Variants in CD200 observed in about 807,000 individuals in gnomAD.
The protein encoded by CD200 is OX-2 membrane glycoprotein.
In CD200, 15 loss-of-function variants were observed where a neutral mutation model predicts 30.9. That is an observed-to-expected ratio of 0.49 (90% CI 0.32 to 0.75). The LOEUF is 0.75. Among genes scored for constraint, CD200 ranks in the 30% least tolerant of loss-of-function variants. The pLI is 0.03. For missense variants in CD200, 262 were observed against 324.2 expected (o/e 0.81, Z 1.47); for synonymous variants, 134 against 126.2 (o/e 1.06, Z -0.41).
chr3:112,335,256 G>A (rs186293246), intron 1 of CD200, among the ~76,000 whole-genome samples: 1 of 152,098 alleles, frequency 6.6e-6, no homozygotes, highest in Non-Finnish European at 1.5e-5. Flanking sequence ...GCAGTGGATG[G>A]GCAGGGTGAG....
Position 112,342,275 on chromosome 3 carries a change from T to G in CD200, c.94+1292T>G, listed in dbSNP as rs918909515. Reference sequence around the variant, plus strand: ...TTAAATGTTTCTCTGAGAACTGTCCTTCCTTCCTTCCTTCCTTCCTTCCTT... The same window carrying G: ...TTAAATGTTTCTCTGAGAACTGTCCGTCCTTCCTTCCTTCCTTCCTTCCTT... On this transcript the variant is annotated intron_variant, in intron 2 of 5. Transcript: ENST00000315711. 5.5e-4 allele frequency among the ~76,000 whole-genome samples: 18 copies of G among 32,844 alleles called. 1 individual carries two copies. The highest frequency in any genetic ancestry group is 2.3e-3 in the African/African-American group (18 of 7,924). 21.5% of individuals were successfully genotyped at this position (32,844 alleles called of 152,430 possible). A position where few individuals can be genotyped will look rare whatever the true frequency, so the allele number is the denominator to read the frequency against.
At chr3:112,356,316 CT>C (rs1576624839) in intron 5 of CD200, among the ~76,000 whole-genome samples, 1 of 150,900 alleles carries the variant, frequency 6.6e-6, no homozygotes, top group Non-Finnish European at 1.5e-5. Context: ...GTCTTTTAAT[CT>C]TTTTTAAAAA....
upstream of CD200, chr3:112,333,131 G>C (rs2081031636): frequency 6.5e-7 from 1 of 1,538,672 alleles, no homozygotes; most frequent in Non-Finnish European, 8.7e-7. Context: ...AGGGGCACAG[G>C]TGACGCTCCT....
intron 2 of CD200, among the ~76,000 whole-genome samples, chr3:112,342,374 T>C (rs1000797875): frequency 0.011 from 504 of 45,220 alleles, 35 homozygotes; most frequent in African/African-American, 0.012. Context: ...TCTTTCTTTC[T>C]TTCTTTCTTT....
chr3:112,347,825 A>G lies in CD200; in HGVS notation c.689A>G (p.Asn230Ser), dbSNP rs1477143074. ...GTGACCGACTTTAAGCAAACCGTCA[A>G]CAAAGGTAAGAGAAAGTGAGCAAGG... ...GTVTDFKQTV[N>S]KGYWFSVPLL... The change falls in exon 4 of 6, where the codon AAC (asparagine) becomes AGC (serine). Residue 230 changes from asparagine (N) to serine (S), a missense_variant. Coordinates refer to ENST00000315711, the MANE Select transcript of CD200 (RefSeq NM_005944.7). The G allele has an allele frequency of 1.2e-6, 2 of 1,612,834 alleles. No homozygotes were observed.
intron 5 of CD200, among the ~76,000 whole-genome samples, chr3:112,359,795 A>G (rs2081701857): frequency 6.6e-6 from 1 of 152,244 alleles, no homozygotes; most frequent in Non-Finnish European, 1.5e-5. Flanking sequence ...GGATACTATT[A>G]AAACACGAGA....
intron 5 of CD200, 21 bp downstream of exon 5, chr3:112,349,840 CA>C: frequency 2.5e-6 from 4 of 1,578,626 alleles, no homozygotes; most frequent in African/African-American, 1.4e-5. Flanking sequence ...ACAGGGAGTT[CA>C]AAAAATGACA....
chr3:112,346,965 C>T (rs564837751), intron 3 of CD200, among the ~76,000 whole-genome samples: 10 of 152,292 alleles, frequency 6.6e-5, no homozygotes, highest in South Asian at 2.1e-4. Context: ...TTATTAGCTA[C>T]GAATTCCAAA....
intron 2 of CD200, among the ~76,000 whole-genome samples, chr3:112,343,917 A>G (rs2108443183): frequency 6.6e-6 from 1 of 152,012 alleles, no homozygotes; most frequent in Admixed American, 6.5e-5. Flanking sequence ...AAGTCTACTT[A>G]TTGAATTTTT....
chr3:112,358,440 A>G (rs2081670346), intron 5 of CD200, among the ~76,000 whole-genome samples: 1 of 151,446 alleles, frequency 6.6e-6, no homozygotes, highest in African/African-American at 2.4e-5. Context: ...TGAACTTGTG[A>G]TGCCTAGATG....
intron 2 of CD200, among the ~76,000 whole-genome samples, chr3:112,342,401 CTT>C (rs1250671775): frequency 3.5e-5 from 2 of 57,094 alleles, no homozygotes; most frequent in Non-Finnish European, 3.4e-5. Context: ...TTCTTTCTTT[CTT>C]TCTTTCTTTC....
In CD200 at chr3:112,333,291, C is replaced by A. The variant is rs2276771; in HGVS notation, c.12+67C>A. On this transcript the variant is annotated intron_variant, in intron 1 of 5. Transcript: ENST00000315711. Reference sequence around the variant, plus strand: ...CGATGTTGAGCCGGTGGCCCTGGGGCGGGCGGCGAGTGGAAGGCGCGGAGC... The same window carrying A: ...CGATGTTGAGCCGGTGGCCCTGGGGAGGGCGGCGAGTGGAAGGCGCGGAGC... 7.1e-5 allele frequency: 107 copies of A among 1,514,306 alleles called. No individual in the cohort carries two copies. In the East Asian group the frequency reaches 2.7e-3, roughly 38 times the overall value. 93.8% of individuals were successfully genotyped at this position (1,514,306 alleles called of 1,614,324 possible). A position where few individuals can be genotyped will look rare whatever the true frequency, so the allele number is the denominator to read the frequency against.
At position 112,349,705 on chromosome 3, in the gene CD200, T is replaced by C. The variant is rs369364009; in HGVS notation, c.695-7T>C. The C allele has an allele frequency of 8.1e-6, 13 of 1,606,458 alleles. No individual in the cohort carries two copies. The highest frequency in any genetic ancestry group is 1.1e-5 in the Non-Finnish European group (13 of 1,177,082). ...CATTTTCCTTTTTCTTTCTTCAATA[T>C]CTATAGGCTATTGGTTTTCAGTTCC... is the stretch of plus-strand genomic sequence containing the variant. On this transcript the variant is annotated splice_region_variant and splice_polypyrimidine_tract_variant and intron_variant, in intron 4 of 5. Coordinates refer to ENST00000315711, the MANE Select transcript of CD200 (RefSeq NM_005944.7).
chr3:112,357,053 A>C (rs1472657637), intron 5 of CD200, among the ~76,000 whole-genome samples: 3 of 152,154 alleles, frequency 2.0e-5, no homozygotes, highest in Non-Finnish European at 1.5e-5. Flanking sequence ...CGAGGTCAGA[A>C]GATCGAGACC....
chr3:112,343,308 A>G (rs2081310999), intron 2 of CD200, among the ~76,000 whole-genome samples: 1 of 151,658 alleles, frequency 6.6e-6, no homozygotes, highest in African/African-American at 2.4e-5. Context: ...TGTTTTTCAA[A>G]TTTTCTTTTC....
chr3:112,343,370 C>T (rs981649039), intron 2 of CD200, among the ~76,000 whole-genome samples: 5 of 152,074 alleles, frequency 3.3e-5, no homozygotes, highest in African/African-American at 1.2e-4. Context: ...GTGCTGCAAT[C>T]ATTGCTCACT....
intron 2 of CD200, among the ~76,000 whole-genome samples, chr3:112,343,631 T>A (rs2081318928): frequency 6.6e-6 from 1 of 152,182 alleles, no homozygotes; most frequent in African/African-American, 2.4e-5. Flanking sequence ...TTTAACTTTT[T>A]TTCCTTTAAC....
chr3:112,349,643 C>A, intron 4 of CD200, 69 bp from the exon 5 acceptor site: 1 of 1,273,874 alleles, frequency 7.9e-7, no homozygotes, highest in Non-Finnish European at 1.1e-6. Flanking sequence ...ACTAAAAGCT[C>A]AACTCTTTTT....
At position 112,362,549 on chromosome 3, in the gene CD200, G is replaced by A. The variant is rs1338492794; in HGVS notation, c.*999G>A. 1 of 152,588 alleles carries A rather than the reference G, an allele frequency of 6.6e-6. No homozygotes were observed. The highest frequency in any genetic ancestry group is 1.5e-5 in the Non-Finnish European group (1 of 68,022). The allele number at this position is 152,588 out of a possible 1,614,324, so 9.5% of individuals were successfully genotyped here. On this transcript the variant is annotated 3_prime_UTR_variant, in exon 6 of 6. Transcript: ENST00000315711. ...CCAATAGCAGAGGAGGCAAATATGA[G>A]CATACAATCCCTTTGTTCTAAAGAT...
Sources: allele counts gnomAD v4.1 joint callset (sites outside exome capture counted in the v4.1 genomes callset), GRCh38; gene constraint gnomAD v4.1.1; transcripts MANE v1.5; gene names NCBI Gene and HGNC (gene_info 2026-07-23, HGNC 2026-07-21).